Variants in AGBL4 observed in about 807,000 individuals in gnomAD.
The protein encoded by AGBL4 is AGBL carboxypeptidase 4.
Under a neutral mutation model 66.4 loss-of-function variants are expected in AGBL4, and 58 were observed. The ratio of observed to expected loss-of-function variants is 0.87; its 90% CI spans 0.71 to 1.09. AGBL4 has a LOEUF of 1.09. Ranked by LOEUF, AGBL4 falls within the 50% of genes least tolerant of loss-of-function variation. The probability of loss-of-function intolerance (pLI) is 0.00; values close to 1 mark genes in which losing one functional copy is unlikely to be tolerated. For missense variants in AGBL4, 579 were observed against 631.0 expected (o/e 0.92, Z 0.88); for synonymous variants, 234 against 222.9 (o/e 1.05, Z -0.44).
chr1:48,806,545 G>A (rs1404713056), intron 6 of AGBL4, among the ~76,000 whole-genome samples: 1 of 152,172 alleles, frequency 6.6e-6, no homozygotes, highest in Non-Finnish European at 1.5e-5. Flanking sequence ...AGGGATCAAA[G>A]TCATTGACCC....
intron 3 of AGBL4, among the ~76,000 whole-genome samples, chr1:49,636,080 A>G (rs191665841): frequency 6.6e-6 from 1 of 152,310 alleles, no homozygotes; most frequent in African/African-American, 2.4e-5. Context: ...CAGACCTCTT[A>G]TCATACACGA....
At chr1:49,263,111 C>A (rs1398934817) in intron 3 of AGBL4, among the ~76,000 whole-genome samples, 5 of 149,408 alleles carry the variant, frequency 3.3e-5, no homozygotes, top group East Asian at 2.0e-4. Flanking sequence ...ACAATGAGAA[C>A]ACATGGACAC....
chr1:49,758,425 C>A (rs887614988), intron 2 of AGBL4, among the ~76,000 whole-genome samples: 1 of 152,136 alleles, frequency 6.6e-6, no homozygotes, highest in African/African-American at 2.4e-5. Context: ...AATGGTAGAT[C>A]CACCAAGAGC....
At chr1:50,012,365 C>G (rs1279540633) in intron 1 of AGBL4, among the ~76,000 whole-genome samples, 1 of 152,052 alleles carries the variant, frequency 6.6e-6, no homozygotes, top group Admixed American at 6.5e-5. Flanking sequence ...TAGATTCTAA[C>G]TCAAAGGATA....
intron 3 of AGBL4, among the ~76,000 whole-genome samples, chr1:49,568,524 A>AAAT (rs1644263038): frequency 2.0e-5 from 1 of 49,896 alleles, no homozygotes; most frequent in African/African-American, 7.1e-5. Flanking sequence ...CACACACACA[A>AAAT]ATGCCATGCT....
intron 3 of AGBL4, among the ~76,000 whole-genome samples, chr1:49,640,417 C>T (rs542436761): frequency 1.3e-5 from 2 of 152,186 alleles, no homozygotes; most frequent in African/African-American, 4.8e-5. Context: ...AGTGCTCTCA[C>T]ACCACAGCAT....
chr1:49,612,312 G>A (rs752824787), intron 3 of AGBL4, among the ~76,000 whole-genome samples: 50 of 151,870 alleles, frequency 3.3e-4, no homozygotes, highest in African/African-American at 7.0e-4. Flanking sequence ...GTTTTATCTC[G>A]TTTATATAAG....
At chr1:49,233,764 ATAAATATTTGAG>A (rs1423072033) in intron 4 of AGBL4, among the ~76,000 whole-genome samples, 4 of 152,236 alleles carry the variant, frequency 2.6e-5, no homozygotes, top group African/African-American at 9.6e-5. Flanking sequence ...CAATCATTTA[ATAAATATTTGAG>A]TAAATATTTG....
At chr1:49,293,953 T>G (rs1322906785) in intron 3 of AGBL4, among the ~76,000 whole-genome samples, 1 of 152,186 alleles carries the variant, frequency 6.6e-6, no homozygotes, top group Non-Finnish European at 1.5e-5. Flanking sequence ...CAGATATGAT[T>G]TTTCAGCTCT....
At chr1:49,939,125 C>T (rs934713238) in intron 1 of AGBL4, among the ~76,000 whole-genome samples, 4 of 152,010 alleles carry the variant, frequency 2.6e-5, no homozygotes, top group Non-Finnish European at 5.9e-5. Context: ...GAATAAAATA[C>T]CTAGGAATCC....
chr1:49,285,190 GA>G (rs1644375672), intron 3 of AGBL4, among the ~76,000 whole-genome samples: 1 of 152,156 alleles, frequency 6.6e-6, no homozygotes, highest in Admixed American at 6.5e-5. Flanking sequence ...ACAGTGAAAT[GA>G]AAATAGCACT....
chr1:49,987,800 T>C (rs1316803690), intron 1 of AGBL4, among the ~76,000 whole-genome samples: 1 of 152,046 alleles, frequency 6.6e-6, no homozygotes, highest in Non-Finnish European at 1.5e-5. Context: ...ATCTACATTG[T>C]GTTTACTGTA....
intron 6 of AGBL4, among the ~76,000 whole-genome samples, chr1:48,713,456 G>A (rs775271043): frequency 5.3e-5 from 8 of 152,170 alleles, no homozygotes; most frequent in African/African-American, 7.2e-5. Context: ...GGGGTGCTGC[G>A]TCCGCAGTGG....
chr1:49,841,963 C>G, intron 2 of AGBL4: 2 of 533,870 alleles, frequency 3.7e-6, no homozygotes, highest in Non-Finnish European at 6.8e-6. Flanking sequence ...CACCTCGTAC[C>G]TGGCCTCGTC....
intron 3 of AGBL4, among the ~76,000 whole-genome samples, chr1:49,368,273 C>A (rs560722157): frequency 6.6e-6 from 1 of 152,086 alleles, no homozygotes; most frequent in African/African-American, 2.4e-5. Flanking sequence ...GGGGTATATA[C>A]CTGGGAGTGA....
At chr1:49,030,914 G>T (rs984170516) in intron 5 of AGBL4, among the ~76,000 whole-genome samples, 1 of 151,186 alleles carries the variant, frequency 6.6e-6, no homozygotes, top group Non-Finnish European at 1.5e-5. Flanking sequence ...ATACCATCAA[G>T]AAAGTGAAAA....
intron 3 of AGBL4, among the ~76,000 whole-genome samples, chr1:49,584,880 C>T (rs913926403): frequency 6.6e-6 from 1 of 152,096 alleles, no homozygotes; most frequent in Non-Finnish European, 1.5e-5. Context: ...ATCAAGTCCT[C>T]CAAAGTTAAG....
At chr1:49,209,914 G>C (rs971035606) in intron 4 of AGBL4, among the ~76,000 whole-genome samples, 6 of 152,066 alleles carry the variant, frequency 3.9e-5, no homozygotes, top group African/African-American at 1.4e-4. Context: ...TAAACTTCAT[G>C]AGAGTCATTG....
chr1:49,889,654 G>A (rs1271108683), intron 1 of AGBL4, among the ~76,000 whole-genome samples: 1 of 152,080 alleles, frequency 6.6e-6, no homozygotes, highest in East Asian at 1.9e-4. Context: ...CTACTCAGGA[G>A]GCTGATGCAG....
Sources: gnomAD v4.1 joint callset for allele counts (sites outside exome capture counted in the v4.1 genomes callset) on GRCh38, gnomAD v4.1.1 for gene constraint, MANE v1.5 for transcripts, NCBI Gene and HGNC (gene_info 2026-07-23, HGNC 2026-07-21) for gene names.